ITGA1: variants seen among roughly 807,000 people sequenced by gnomAD.
The protein encoded by ITGA1 is integrin subunit alpha 1.
A neutral mutation model predicts 145.9 loss-of-function variants in ITGA1; 85 were observed. The observed-to-expected ratio is 0.58, with a 90% CI of 0.49 to 0.70. The LOEUF is 0.70. ITGA1 is among the 30% of genes least tolerant of loss of function. ITGA1 has a pLI of 0.00. For synonymous variants in ITGA1, 520 were observed against 495.3 expected, an observed-to-expected ratio of 1.05 and a Z score of -0.66; for missense variants, 1,351 against 1,418.7, an observed-to-expected ratio of 0.95 and a Z score of 0.77.
chr5:52,902,240 A>T (rs1457217782), intron 11 of ITGA1: 1 of 152,222 alleles, frequency 6.6e-6, no homozygotes, highest in Non-Finnish European at 1.5e-5. Flanking sequence ...CTGTCTCAGG[A>T]CATAGTCCTA....
intron 6 of ITGA1, among the ~76,000 whole-genome samples, chr5:52,873,745 G>A (rs1488124808): frequency 6.6e-6 from 1 of 152,132 alleles, no homozygotes; most frequent in African/African-American, 2.4e-5. Flanking sequence ...TAAAGCCTGA[G>A]CTCTTTTCAT....
intron 1 of ITGA1, among the ~76,000 whole-genome samples, chr5:52,833,285 A>G (rs567790885): frequency 2.6e-5 from 4 of 152,306 alleles, no homozygotes; most frequent in Admixed American, 2.6e-4. Flanking sequence ...GACTTTTACT[A>G]TGAAAAGCTA....
chr5:52,821,943 G>A (rs1748886069), intron 1 of ITGA1, among the ~76,000 whole-genome samples: 1 of 152,118 alleles, frequency 6.6e-6, no homozygotes, highest in Non-Finnish European at 1.5e-5. Context: ...TTTTATGTGT[G>A]ATTTTGTAGA....
intron 12 of ITGA1, among the ~76,000 whole-genome samples, chr5:52,906,797 C>G (rs769911036): frequency 1.7e-4 from 26 of 152,076 alleles, no homozygotes; most frequent in Non-Finnish European, 2.8e-4. Flanking sequence ...CTGCATCAGC[C>G]CTCCTGCTCT....
chr5:52,910,494 T>C (rs1750488257), intron 14 of ITGA1, 75 bp downstream of exon 14: 11 of 1,467,948 alleles, frequency 7.5e-6, no homozygotes, highest in Non-Finnish European at 9.3e-6. Flanking sequence ...CTGTCTAACT[T>C]CATGAGTTAT....
At chr5:52,830,095 C>A (rs1470210069) in intron 1 of ITGA1, among the ~76,000 whole-genome samples, 1 of 152,034 alleles carries the variant, frequency 6.6e-6, no homozygotes, top group African/African-American at 2.4e-5. Flanking sequence ...TTATTTGAGT[C>A]CCTAAACATA....
intron 24 of ITGA1, among the ~76,000 whole-genome samples, chr5:52,938,912 C>CG (rs1554047758): frequency 6.6e-6 from 1 of 151,340 alleles, no homozygotes; most frequent in African/African-American, 2.4e-5. Context: ...TTTTTGTTTC[C>CG]TTTTTTTTGA....
chr5:52,849,998 T>C (rs991254861), intron 2 of ITGA1, among the ~76,000 whole-genome samples: 1 of 138,020 alleles, frequency 7.2e-6, no homozygotes, highest in African/African-American at 3.0e-5. Flanking sequence ...TCATTGTAGA[T>C]AGGATTTTTT....
chr5:52,875,145 A>T (rs1263386789), intron 6 of ITGA1, among the ~76,000 whole-genome samples: 1 of 152,168 alleles, frequency 6.6e-6, no homozygotes, highest in South Asian at 2.1e-4. Flanking sequence ...TAGTGATAGG[A>T]GAAAGGTAGA....
intron 6 of ITGA1, among the ~76,000 whole-genome samples, chr5:52,871,534 T>C (rs1451509365): frequency 6.6e-6 from 1 of 152,078 alleles, no homozygotes; most frequent in Non-Finnish European, 1.5e-5. Context: ...GATTTGTCAT[T>C]TAGTAATTGC....
At chr5:52,800,421 G>A (rs777765641) in intron 1 of ITGA1, 7 of 1,613,944 alleles carry the variant, frequency 4.3e-6, no homozygotes, top group Non-Finnish European at 5.1e-6. Flanking sequence ...AGAACATCGA[G>A]AAGGACAATG....
Position 52,789,576 on chromosome 5 carries a change from C to A in ITGA1, c.61+1162C>A, listed in dbSNP as rs376201319. On this transcript the variant is annotated intron_variant, in intron 1 of 28. Coordinates refer to ENST00000282588, the MANE Select transcript of ITGA1 (RefSeq NM_181501.2). ...TAATAATTAGCTACTGGCTTTTCAT[C>A]CAAACATTTCCCACTACTCAGGAAA... Among the ~76,000 whole-genome samples, 6 of 152,294 alleles carry A rather than the reference C, an allele frequency of 3.9e-5. No homozygotes were observed. In the East Asian group the frequency reaches 1.2e-3, roughly 29 times the overall value.
At chr5:52,943,797 C>T (rs1751087525) in intron 26 of ITGA1, among the ~76,000 whole-genome samples, 1 of 152,110 alleles carries the variant, frequency 6.6e-6, no homozygotes, top group African/African-American at 2.4e-5. Context: ...TACTTGAGTG[C>T]CAGCCATAGA....
intron 11 of ITGA1, among the ~76,000 whole-genome samples, chr5:52,899,949 A>G (rs1248633355): frequency 6.6e-6 from 1 of 152,180 alleles, no homozygotes. Flanking sequence ...TACCAAAATA[A>G]CTGATTCTGG....
At chr5:52,825,391 G>A (rs1295126150) in intron 1 of ITGA1, among the ~76,000 whole-genome samples, 2 of 152,234 alleles carry the variant, frequency 1.3e-5, no homozygotes, top group South Asian at 4.1e-4. Flanking sequence ...GTAACAGCAA[G>A]TGCTCATTTT....
intron 1 of ITGA1, among the ~76,000 whole-genome samples, chr5:52,791,648 A>C (rs931051656): frequency 6.6e-6 from 1 of 152,248 alleles, no homozygotes; most frequent in Non-Finnish European, 1.5e-5. Context: ...CACTGTGCCA[A>C]GGGCTTTGCA....
rs925082467 is a variant in ITGA1, at chr5:52,956,519, A to G, written c.*4068A>G. The G allele has an allele frequency of 7.2e-5, 11 of 152,206 alleles. No homozygotes were observed. The highest frequency in any genetic ancestry group is 2.9e-5 in the Non-Finnish European group (2 of 68,040). The allele number at this position is 152,206 out of a possible 1,614,324, so 9.4% of individuals were successfully genotyped here. Reference sequence around the variant, plus strand: ...ACCAGCTTCAGTGACTCAATCATTTATACAGGATTTCAGTGTTTTGTTCTG... The same window carrying G: ...ACCAGCTTCAGTGACTCAATCATTTGTACAGGATTTCAGTGTTTTGTTCTG... On this transcript the variant is annotated 3_prime_UTR_variant, in exon 29 of 29. Coordinates refer to ENST00000282588, the MANE Select transcript of ITGA1 (RefSeq NM_181501.2).
chr5:52,841,720 C>T (rs886528147), intron 1 of ITGA1, among the ~76,000 whole-genome samples: 33 of 152,300 alleles, frequency 2.2e-4, no homozygotes, highest in African/African-American at 7.9e-4. Context: ...TTTCTTCCAA[C>T]CTCCTGTATT....
chr5:52,881,840 T>G (rs1232837941), intron 6 of ITGA1, 33 bp from the exon 7 acceptor site: 2 of 1,571,524 alleles, frequency 1.3e-6, no homozygotes, highest in Non-Finnish European at 1.7e-6. Flanking sequence ...AAATTTGGAT[T>G]GACGTATAAC....
Sources: gnomAD v4.1 joint callset for allele counts (sites outside exome capture counted in the v4.1 genomes callset) on GRCh38, gnomAD v4.1.1 for gene constraint, MANE v1.5 for transcripts, NCBI Gene and HGNC (gene_info 2026-07-23, HGNC 2026-07-21) for gene names.